CAPZB: variants seen among roughly 807,000 people sequenced by gnomAD.
The protein encoded by CAPZB is F-actin-capping protein subunit beta.
Under a neutral mutation model 38.1 loss-of-function variants are expected in CAPZB, and 2 were observed. That is an observed-to-expected ratio of 0.05 (90% CI 0.02 to 0.17). CAPZB has a LOEUF of 0.17. Among genes scored for constraint, CAPZB ranks in the 10% least tolerant of loss-of-function variants. CAPZB has a pLI of 1.00. For synonymous variants in CAPZB, 107 were observed against 127.4 expected (o/e 0.84, Z 1.08); for missense variants, 161 against 334.2 (o/e 0.48, Z 4.04).
At chr1:19,423,661 A>T (rs1239791060) in intron 1 of CAPZB, among the ~76,000 whole-genome samples, 1 of 150,976 alleles carries the variant, frequency 6.6e-6, no homozygotes, top group Non-Finnish European at 1.5e-5. Context: ...AGTAGCTTGG[A>T]TTACAGGCAC....
intron 1 of CAPZB, among the ~76,000 whole-genome samples, chr1:19,473,073 C>A (rs1356694809): frequency 6.6e-6 from 1 of 151,730 alleles, no homozygotes; most frequent in African/African-American, 2.4e-5. Context: ...CTGAGGGAGT[C>A]ACCTAAGAAA....
At chr1:19,458,125 T>G (rs2094538954) in intron 1 of CAPZB, among the ~76,000 whole-genome samples, 1 of 147,102 alleles carries the variant, frequency 6.8e-6, no homozygotes, top group Non-Finnish European at 1.5e-5. Context: ...AACACTAAAC[T>G]GGTGCAAGTG....
intron 1 of CAPZB, among the ~76,000 whole-genome samples, chr1:19,442,057 A>G (rs1200045448): frequency 6.6e-6 from 1 of 151,920 alleles, no homozygotes; most frequent in African/African-American, 2.4e-5. Flanking sequence ...CAGCCCTTAA[A>G]AAGCATCAGT....
rs371154610 is a variant in CAPZB, at chr1:19,385,746, A to G, written c.94-120T>C. The G allele has an allele frequency of 6.9e-6, 8 of 1,165,520 alleles. No individual in the cohort carries two copies. The African/African-American group carries it at 1.2e-4, about 18-fold the overall frequency. The allele number at this position is 1,165,520 out of a possible 1,614,324, so 72.2% of individuals were successfully genotyped here. ...CTTTAACATCTGGCCCTGGGCACTGAGACAAAATTATGGGCCTGTTCTTTT... is the reference window on the plus strand; with the variant it reads ...CTTTAACATCTGGCCCTGGGCACTGGGACAAAATTATGGGCCTGTTCTTTT... On this transcript the variant is annotated intron_variant, in intron 2 of 8. Coordinates refer to ENST00000264202, the MANE Select transcript of CAPZB (RefSeq NM_004930.5).
At chr1:19,344,523 AGT>A in intron 7 of CAPZB, 89 bp from the exon 8 acceptor site, 1 of 1,035,952 alleles carries the variant, frequency 9.7e-7, no homozygotes, top group Non-Finnish European at 1.5e-6. Context: ...TGCAGTCCCC[AGT>A]GTGGCCACTG....
intron 1 of CAPZB, among the ~76,000 whole-genome samples, chr1:19,445,264 C>T (rs1290884621): frequency 6.6e-6 from 1 of 151,848 alleles, no homozygotes; most frequent in African/African-American, 2.4e-5. Flanking sequence ...AAGCAGGATG[C>T]AAATTTCAGA....
At chr1:19,377,410 C>T (rs887706672) in intron 4 of CAPZB, among the ~76,000 whole-genome samples, 7 of 152,188 alleles carry the variant, frequency 4.6e-5, no homozygotes, top group African/African-American at 1.4e-4. Context: ...ACCTTGGTCT[C>T]ATTTGTAAAA....
chr1:19,457,924 T>G (rs951656809), intron 1 of CAPZB, among the ~76,000 whole-genome samples: 13 of 152,154 alleles, frequency 8.5e-5, no homozygotes, highest in African/African-American at 3.1e-4. Context: ...CCCCCTGCCA[T>G]CTGATGTTTA....
intron 6 of CAPZB, among the ~76,000 whole-genome samples, chr1:19,349,811 G>A (rs986516811): frequency 6.6e-6 from 1 of 152,086 alleles, no homozygotes; most frequent in South Asian, 2.1e-4. Context: ...GGAGTGAGGG[G>A]CACAGGGCTC....
intron 6 of CAPZB, among the ~76,000 whole-genome samples, chr1:19,352,716 G>A (rs748192900): frequency 4.6e-5 from 7 of 152,238 alleles, no homozygotes; most frequent in Non-Finnish European, 7.3e-5. Flanking sequence ...TCACTGCTGC[G>A]GGAATTTGCC....
rs770899125 is a variant in CAPZB at position 19,345,184 on chromosome 1, C to T, written c.654+3G>A. ...GGAGCCAGCCAGAGCCCAGGTCACT[C>T]ACCTCTACCAGGCGCCCGATGTTGG... is the stretch of plus-strand genomic sequence containing the variant. On this transcript the variant is annotated splice_donor_region_variant and intron_variant, in intron 7 of 8. Transcript: ENST00000264202. 75 of 1,613,150 alleles carry T rather than the reference C, an allele frequency of 4.6e-5. No homozygotes were observed. The highest frequency in any genetic ancestry group is 6.3e-5 in the Non-Finnish European group (74 of 1,179,262).
At chr1:19,402,758 T>C (rs2094309809) in intron 2 of CAPZB, among the ~76,000 whole-genome samples, 2 of 152,182 alleles carry the variant, frequency 1.3e-5, no homozygotes, top group Admixed American at 6.5e-5. Context: ...TCAGAAGCCT[T>C]GCATTCTGGC....
chr1:19,453,144 C>T (rs1017541070), intron 1 of CAPZB, among the ~76,000 whole-genome samples: 15 of 152,086 alleles, frequency 9.9e-5, no homozygotes, highest in African/African-American at 3.6e-4. Context: ...ATAAAGTCAT[C>T]GCCCAGATTG....
intron 4 of CAPZB, among the ~76,000 whole-genome samples, chr1:19,375,695 A>G (rs79536226): frequency 0.021 from 3,141 of 152,274 alleles, 44 homozygotes; most frequent in Non-Finnish European, 0.035. Flanking sequence ...CACCTTACAA[A>G]TACACATTTC....
chr1:19,416,860 CAAAAAAAAAA>C (rs59789230), intron 2 of CAPZB, among the ~76,000 whole-genome samples: 2,394 of 69,462 alleles, frequency 0.034, 152 homozygotes, highest in African/African-American at 0.13. Context: ...GACCCTGTCT[CAAAAAAAAAA>C]AAAAAAAAAA....
intron 1 of CAPZB, chr1:19,419,985 G>A (rs960767711): frequency 1.8e-5 from 9 of 494,834 alleles, no homozygotes; most frequent in Non-Finnish European, 2.9e-5. Context: ...GACCCTGAAA[G>A]AAGTGGAAGC....
intron 6 of CAPZB, among the ~76,000 whole-genome samples, chr1:19,353,215 T>G (rs2094001476): frequency 6.6e-6 from 1 of 152,170 alleles, no homozygotes; most frequent in Non-Finnish European, 1.5e-5. Flanking sequence ...GGCTAGGGCC[T>G]GGCACTGTGG....
chr1:19,485,323 G>T (rs1046643557), intron 1 of CAPZB, 113 bp downstream of exon 1: 2 of 728,962 alleles, frequency 2.7e-6, no homozygotes, highest in Non-Finnish European at 3.8e-6. Context: ...CCGGGACCCC[G>T]CCCCTCCCCC....
chr1:19,373,550 G>A (rs12131088), intron 4 of CAPZB, among the ~76,000 whole-genome samples: 12,680 of 152,224 alleles, frequency 0.083, 979 homozygotes, highest in African/African-American at 0.2. Context: ...GGCAGAGGGA[G>A]CCTCTGGGGA....
Sources: gnomAD v4.1 joint callset for allele counts (sites outside exome capture counted in the v4.1 genomes callset) on GRCh38, gnomAD v4.1.1 for gene constraint, MANE v1.5 for transcripts, NCBI Gene and HGNC (gene_info 2026-07-23, HGNC 2026-07-21) for gene names.